Variants in ZNF248 observed in about 807,000 individuals in gnomAD.
ZNF248 encodes the protein zinc finger protein 248.
ZNF248 carries 20 observed loss-of-function variants against 44.3 expected under a neutral mutation model. That is an observed-to-expected ratio of 0.45 (90% CI 0.32 to 0.66). The LOEUF (loss-of-function observed/expected upper bound fraction) is 0.66. Ranked by LOEUF, ZNF248 falls within the 30% of genes least tolerant of loss-of-function variation. The pLI, the probability that ZNF248 is intolerant of heterozygous loss-of-function variation, is 0.04. For missense variants in ZNF248, 654 were observed against 677.0 expected (o/e 0.97, Z 0.38); for synonymous variants, 224 against 229.0 (o/e 0.98, Z 0.20).
the ZNF248 span, among the ~76,000 whole-genome samples, chr10:37,759,510 G>A: frequency 3.5e-4 from 53 of 152,178 alleles, no homozygotes. Context: ...GAGCTGTGAA[G>A]AATGAGGAGA....
At chr10:37,823,157 A>G (rs1218288355) in intron 6 of ZNF248, among the ~76,000 whole-genome samples, 1 of 151,858 alleles carries the variant, frequency 6.6e-6, no homozygotes, top group African/African-American at 2.4e-5. Context: ...AACATGGTAA[A>G]GCCCTGTCTC....
At chr10:37,824,828 CCCA>C (rs1431969792), downstream of ZNF248, among the ~76,000 whole-genome samples, 5 of 148,790 alleles carry the variant, frequency 3.4e-5, no homozygotes, top group African/African-American at 1.2e-4. Flanking sequence ...ACTATAGGTG[CCCA>C]CCACCACACC....
intron 6 of ZNF248, among the ~76,000 whole-genome samples, chr10:37,799,120 A>G (rs1159694205): frequency 2.0e-5 from 3 of 152,130 alleles, no homozygotes; most frequent in Non-Finnish European, 4.4e-5. Context: ...TCTAATCAAC[A>G]GCTTCCTTAT....
chr10:37,797,148 A>G (rs1368238329), intron 6 of ZNF248, among the ~76,000 whole-genome samples: 1 of 152,226 alleles, frequency 6.6e-6, no homozygotes, highest in Non-Finnish European at 1.5e-5. Context: ...AACTTAGAGT[A>G]GTAAAGAATA....
At chr10:37,767,606 A>G in the ZNF248 span, among the ~76,000 whole-genome samples, 1 of 152,200 alleles carries the variant, frequency 6.6e-6, no homozygotes, top group Non-Finnish European at 1.5e-5. Flanking sequence ...GCCTGCCCTA[A>G]AATAGCTCCT....
At chr10:37,847,206 T>G (rs2059466746) in intron 3 of ZNF248, among the ~76,000 whole-genome samples, 1 of 152,146 alleles carries the variant, frequency 6.6e-6, no homozygotes, top group Non-Finnish European at 1.5e-5. Context: ...TTTTTATTTT[T>G]ATTTTTATTT....
At chr10:37,783,357 C>A (rs896685159) in intron 6 of ZNF248, among the ~76,000 whole-genome samples, 21 of 152,210 alleles carry the variant, frequency 1.4e-4, no homozygotes, top group African/African-American at 5.1e-4. Context: ...ACCATATACA[C>A]AAATTACCTC....
At chr10:37,824,673 ATTTT>A (rs755411927), downstream of ZNF248, among the ~76,000 whole-genome samples, 40 of 79,724 alleles carry the variant, frequency 5.0e-4, no homozygotes, top group South Asian at 9.8e-4. Flanking sequence ...ATTATTTTAA[ATTTT>A]TTTTTTTTTT....
At chr10:37,852,711 T>G (rs1224097784) in intron 3 of ZNF248, among the ~76,000 whole-genome samples, 1 of 148,870 alleles carries the variant, frequency 6.7e-6, no homozygotes, top group Non-Finnish European at 1.5e-5. Context: ...TATTTATATA[T>G]GTAATATATG....
downstream of ZNF248, among the ~76,000 whole-genome samples, chr10:37,775,907 A>G (rs2046548645): frequency 6.6e-6 from 1 of 152,202 alleles, no homozygotes; most frequent in Non-Finnish European, 1.5e-5. Flanking sequence ...ACCTGTTATA[A>G]GATGGATGGG....
chr10:37,772,489 G>A (rs899283785), downstream of ZNF248, among the ~76,000 whole-genome samples: 1 of 152,190 alleles, frequency 6.6e-6, no homozygotes, highest in African/African-American at 2.4e-5. Context: ...CCTTTGGGAT[G>A]TTGCTACTGT....
chr10:37,828,816 C>G lies in ZNF248; in HGVS notation c.*2799G>C. 1.0e-6 allele frequency: 1 copy of G among 985,380 alleles called. No individual in the cohort carries two copies. Among genetic ancestry groups the G allele is most frequent in the Non-Finnish European group, 1.2e-6 (1 of 829,936 alleles). The allele number at this position is 985,380 out of a possible 1,614,324, so 61.0% of individuals were successfully genotyped here. ...AGAATACAGAGCTGCTTACCTTACA[C>G]CACATACAATAAGAAACACCACAGG... On this transcript the variant is annotated 3_prime_UTR_variant, in exon 6 of 6. Transcript: ENST00000395867.
At chr10:37,833,168 G>C in intron 5 of ZNF248, 52 bp from the exon 6 acceptor site, 1 of 1,517,214 alleles carries the variant, frequency 6.6e-7, no homozygotes, top group Non-Finnish European at 8.8e-7. Context: ...CATTTCTGAT[G>C]GAATCAGACT....
At chr10:37,856,660 T>A in intron 1 of ZNF248, 128 bp from the exon 2 acceptor site, 1 of 1,025,338 alleles carries the variant, frequency 9.8e-7, no homozygotes, top group Non-Finnish European at 1.2e-6. Flanking sequence ...GCCATATTGT[T>A]TATCTGTTTA....
intron 6 of ZNF248, among the ~76,000 whole-genome samples, chr10:37,814,663 T>G (rs2052130454): frequency 6.6e-6 from 1 of 152,258 alleles, no homozygotes; most frequent in Non-Finnish European, 1.5e-5. Context: ...CAGGATTGTT[T>G]GCTGACAGAT....
chr10:37,814,692 T>C (rs1179870728), intron 6 of ZNF248, among the ~76,000 whole-genome samples: 1 of 152,216 alleles, frequency 6.6e-6, no homozygotes, highest in Non-Finnish European at 1.5e-5. Flanking sequence ...CCCTTCAGCA[T>C]TTTGAACATT....
At chr10:37,852,497 G>C (rs2060454594) in intron 3 of ZNF248, among the ~76,000 whole-genome samples, 1 of 151,948 alleles carries the variant, frequency 6.6e-6, no homozygotes, top group South Asian at 2.1e-4. Context: ...GAATGACAGG[G>C]CCAGGATGGA....
At chr10:37,778,449 T>C (rs1161446002) in intron 6 of ZNF248, among the ~76,000 whole-genome samples, 3 of 151,922 alleles carry the variant, frequency 2.0e-5, no homozygotes, top group African/African-American at 7.2e-5. Context: ...CTTTGTCAGA[T>C]GAGTAGGTTG....
At position 37,828,763 on chromosome 10, in the gene ZNF248, T is replaced by C. The variant is rs200914; in HGVS notation, c.*2852A>G. 242,356 of 985,074 alleles carry C rather than the reference T, an allele frequency of 0.25. 30,196 individuals carry two copies. The highest frequency in any genetic ancestry group is 0.45 in the East Asian group (3,983 of 8,796). 61.0% of individuals were successfully genotyped at this position (985,074 alleles called of 1,614,324 possible). The stretch of plus-strand genomic sequence containing the variant: ...AAGAAAGGGTGAATTAATCAAACAG[T>C]GCAGGGACAACTGGCTATTTATTTG... On this transcript the variant is annotated 3_prime_UTR_variant, in exon 6 of 6. Transcript: ENST00000395867.
Sources: allele counts gnomAD v4.1 joint callset (sites outside exome capture counted in the v4.1 genomes callset), GRCh38; gene constraint gnomAD v4.1.1; transcripts MANE v1.5; gene names NCBI Gene and HGNC (gene_info 2026-07-23, HGNC 2026-07-21).